LIMK1: variants seen among roughly 807,000 people sequenced by gnomAD.
LIMK1 encodes LIM domain kinase 1.
Under a neutral mutation model 77.6 loss-of-function variants are expected in LIMK1, and 21 were observed. That is an observed-to-expected ratio of 0.27 (90% CI 0.19 to 0.39). The LOEUF is 0.39. Ranked by LOEUF, LIMK1 falls within the 10% of genes least tolerant of loss-of-function variation. The pLI is 1.00. For missense variants in LIMK1, 696 were observed against 901.6 expected, an observed-to-expected ratio of 0.77 and a Z score of 2.92; for synonymous variants, 358 against 370.0, an observed-to-expected ratio of 0.97 and a Z score of 0.37.
chr7:74,120,466 C>A, intron 13 of LIMK1, 117 bp from the exon 14 acceptor site: 1 of 1,064,950 alleles, frequency 9.4e-7, no homozygotes. Context: ...CCGGCATCTG[C>A]CTCCTGGGCC....
chr7:74,120,457 C>A, intron 13 of LIMK1, 126 bp from the exon 14 acceptor site: 2 of 951,932 alleles, frequency 2.1e-6, no homozygotes, highest in South Asian at 1.4e-5. Context: ...TAGAGGTTGC[C>A]GGCATCTGCC....
chr7:74,097,192 G>A lies in LIMK1; in HGVS notation c.401+3G>A. ...GTGGAGCACTCCAAGCTGTACTGGT[G>A]AGTGCCTTGGCCCCTCCCTGAGCCT... On this transcript the variant is annotated splice_donor_region_variant and intron_variant, in intron 4 of 15. Coordinates refer to ENST00000336180, the MANE Select transcript of LIMK1 (RefSeq NM_002314.4). The A allele has an allele frequency of 6.3e-7, 1 of 1,596,356 alleles. No individual in the cohort carries two copies. The highest frequency in any genetic ancestry group is 8.5e-7 in the Non-Finnish European group (1 of 1,169,816).
rs572755228 is a variant in LIMK1, at chr7:74,107,215, CAG to C, written c.1065+23_1065+24del. On this transcript the variant is annotated intron_variant, in intron 8 of 15. Coordinates refer to ENST00000336180, the MANE Select transcript of LIMK1 (RefSeq NM_002314.4). Reference sequence around the variant, plus strand: ...CAAGGTACAGAGCATGCCAGGGTCTCAGGGGACAGTCTGGGTGGGACCCCTCC... The same window carrying C: ...CAAGGTACAGAGCATGCCAGGGTCTCGGGACAGTCTGGGTGGGACCCCTCC... 1.6e-4 allele frequency: 262 copies of C among 1,589,572 alleles called. No homozygotes were observed. The East Asian group carries it at 2.2e-3, about 13-fold the overall frequency.
chr7:74,096,711 G>C lies in LIMK1; in HGVS notation c.242G>C (p.Gly81Ala). The C allele has an allele frequency of 6.2e-7, 1 of 1,613,814 alleles. No homozygotes were observed. The highest frequency in any genetic ancestry group is 8.5e-7 in the Non-Finnish European group (1 of 1,179,856). Residue 81 changes from glycine to alanine, a missense_variant, in exon 3 of 16, where the codon GGC (glycine) becomes GCC (alanine). Transcript: ENST00000336180. ...FCKKDYWARYGESCHGCSEQI... is the reference protein window; with the variant it reads ...FCKKDYWARYAESCHGCSEQI... ...AAGAAGGACTACTGGGCCCGCTATG[G>C]CGAGTCCTGCCATGGGTGCTCTGAG...
At chr7:74,120,332 G>C (rs1439046802) in intron 13 of LIMK1, among the ~76,000 whole-genome samples, 1 of 152,238 alleles carries the variant, frequency 6.6e-6, no homozygotes, top group African/African-American at 2.4e-5. Context: ...AAGTCACGCA[G>C]CTGATCGGTG....
chr7:74,109,139 G>T, intron 10 of LIMK1, 103 bp downstream of exon 10: 1 of 885,834 alleles, frequency 1.1e-6, no homozygotes, highest in Non-Finnish European at 1.8e-6. Flanking sequence ...GAAGCCACAG[G>T]GGTCTCAAAG....
chr7:74,095,145 G>A (rs1799314325), intron 2 of LIMK1, among the ~76,000 whole-genome samples: 1 of 152,152 alleles, frequency 6.6e-6, no homozygotes, highest in African/African-American at 2.4e-5. Flanking sequence ...AGAGTTTCCT[G>A]GGTAGGAAAC....
intron 13 of LIMK1, among the ~76,000 whole-genome samples, chr7:74,118,006 A>C (rs1475006585): frequency 4.0e-5 from 6 of 151,392 alleles, no homozygotes; most frequent in African/African-American, 1.2e-4. Flanking sequence ...AGGCAGGAGA[A>C]TCACTTGAAC....
At chr7:74,093,041 A>G in intron 2 of LIMK1, 1 of 1,148,994 alleles carries the variant, frequency 8.7e-7, no homozygotes. Flanking sequence ...AGCCCAGGCA[A>G]AGGGTGCTTC....
At chr7:74,092,923 C>G (rs186797625) in intron 2 of LIMK1, among the ~76,000 whole-genome samples, 1 of 152,232 alleles carries the variant, frequency 6.6e-6, no homozygotes, top group Admixed American at 6.5e-5. Context: ...TTGCCAGGGC[C>G]GAGGCTGAGG....
At chr7:74,084,883 A>T (rs1051704838) in intron 1 of LIMK1, among the ~76,000 whole-genome samples, 2 of 151,296 alleles carry the variant, frequency 1.3e-5, no homozygotes, top group East Asian at 3.9e-4. Context: ...CCTGCCACCA[A>T]CTCTTCCCAG....
chr7:74,096,066 G>C (rs1430988900), intron 2 of LIMK1, among the ~76,000 whole-genome samples: 4 of 149,976 alleles, frequency 2.7e-5, no homozygotes, highest in African/African-American at 7.4e-5. Context: ...CCAGGTTCAA[G>C]CGATTCTTCT....
chr7:74,089,220 G>A (rs1283076673), intron 2 of LIMK1, among the ~76,000 whole-genome samples: 2 of 152,190 alleles, frequency 1.3e-5, no homozygotes, highest in African/African-American at 2.4e-5. Flanking sequence ...CACAGAGTAG[G>A]AAAGGCAGGG....
In LIMK1 at chr7:74,097,082, G is replaced by A. The variant is rs782687175; in HGVS notation, c.294G>A (p.Val98=). Residue 98 remains valine, a splice_region_variant and synonymous_variant, in exon 4 of 16, where the codon GTG becomes GTA. Transcript: ENST00000336180. ...TTCCCTCCTCACCCCCGCACCAGGT[G>A]GCTGGGGAGCTGAAGTACCACCCCG... ...SEQITKGLVM[V]AGELKYHPEC... is the part of the protein sequence containing the mutation. 6.2e-7 allele frequency: 1 copy of A among 1,610,102 alleles called. No homozygotes were observed. The highest frequency in any genetic ancestry group is 1.1e-5 in the South Asian group (1 of 90,730).
intron 2 of LIMK1, among the ~76,000 whole-genome samples, chr7:74,086,901 CAG>C (rs1799146808): frequency 1.3e-5 from 2 of 152,158 alleles, no homozygotes; most frequent in African/African-American, 4.8e-5. Flanking sequence ...ATGCATAACC[CAG>C]TCACACCAGC....
chr7:74,091,532 G>A (rs1402533749), intron 2 of LIMK1, among the ~76,000 whole-genome samples: 2 of 152,168 alleles, frequency 1.3e-5, no homozygotes, highest in African/African-American at 4.8e-5. Context: ...TTTAAAAAGC[G>A]ATTTTACAAA....
At chr7:74,091,065 C>G (rs1266099925) in intron 2 of LIMK1, among the ~76,000 whole-genome samples, 2 of 152,108 alleles carry the variant, frequency 1.3e-5, no homozygotes, top group African/African-American at 2.4e-5. Context: ...AGGCGCCCAC[C>G]ACCACACCCG....
intron 2 of LIMK1, among the ~76,000 whole-genome samples, chr7:74,089,790 C>T (rs1337818544): frequency 6.6e-6 from 1 of 152,064 alleles, no homozygotes; most frequent in African/African-American, 2.4e-5. Flanking sequence ...AAAACGGCCG[C>T]CTCGGAGCTG....
At chr7:74,114,654 GC>G (rs1419820799) in intron 12 of LIMK1, among the ~76,000 whole-genome samples, 1 of 151,320 alleles carries the variant, frequency 6.6e-6, no homozygotes, top group Non-Finnish European at 1.5e-5. Context: ...GGTGGCTCAC[GC>G]CTGTAATCCC....
Sources: gnomAD v4.1 joint callset for allele counts (sites outside exome capture counted in the v4.1 genomes callset) on GRCh38, gnomAD v4.1.1 for gene constraint, MANE v1.5 for transcripts, NCBI Gene and HGNC (gene_info 2026-07-23, HGNC 2026-07-21) for gene names.